Variants in ZNF562 observed in about 807,000 individuals in gnomAD.
ZNF562 encodes zinc finger protein 562.
In ZNF562, 13 loss-of-function variants were observed where a neutral mutation model predicts 17.5. The observed-to-expected ratio is 0.74, with a 90% confidence interval of 0.48 to 1.18. ZNF562 has a LOEUF of 1.18. ZNF562 is among the 50% of genes most tolerant of loss of function. The pLI, the probability that ZNF562 is intolerant of heterozygous loss-of-function variation, is 0.00. For synonymous variants in ZNF562, 163 were observed against 165.4 expected (o/e 0.99, Z 0.11); for missense variants, 481 against 498.5 (o/e 0.96, Z 0.33).
intron 1 of ZNF562, among the ~76,000 whole-genome samples, chr19:9,662,877 C>T (rs2043807748): frequency 6.6e-6 from 1 of 151,638 alleles, no homozygotes; most frequent in Admixed American, 6.6e-5. Context: ...AAACCTTAGC[C>T]ACTCATGGAT....
intron 5 of ZNF562, among the ~76,000 whole-genome samples, chr19:9,655,717 C>CTTTTTTTTTTTTTTTTTTTTTTTTT (rs58199071): frequency 4.1e-5 from 2 of 48,678 alleles, no homozygotes; most frequent in African/African-American, 8.1e-5. Context: ...TCTTTTCTTT[C>CTTTTTTTTTTTTTTTTTTTTTTTTT]TTTTTTTTTT....
rs371202180 is a variant in ZNF562, at chr19:9,652,441, A to G, written c.*508T>C. 6.6e-6 allele frequency: 1 copy of G among 152,340 alleles called. No homozygotes were observed. Among genetic ancestry groups the G allele is most frequent in the Admixed American group, 6.6e-5 (1 of 15,266 alleles). 9.4% of individuals were successfully genotyped at this position (152,340 alleles called of 1,614,324 possible). A position where few individuals can be genotyped will look rare whatever the true frequency, so the allele number is the denominator to read the frequency against. Reference sequence around the variant, plus strand: ...GTAAATTTTGACATGAATGTGCCACACTGGCAGCCACTAACCAACAGGGGC... The same window carrying G: ...GTAAATTTTGACATGAATGTGCCACGCTGGCAGCCACTAACCAACAGGGGC... On this transcript the variant is annotated 3_prime_UTR_variant, in exon 6 of 6. Transcript: ENST00000453372.
chr19:9,658,894 G>A (rs1036621892), intron 3 of ZNF562, among the ~76,000 whole-genome samples: 1 of 152,034 alleles, frequency 6.6e-6, no homozygotes, highest in Non-Finnish European at 1.5e-5. Flanking sequence ...CTGGGCTGAA[G>A]TGCTCCTCCC....
At position 9,653,171 on chromosome 19, in the gene ZNF562, G is replaced by A. The variant is rs1490511123; in HGVS notation, c.1059C>T (p.Phe353=). The part of the protein sequence containing the change: ...PYECKECGQA[F]TQYTGLAIHI... ...GTATAGCAAGGCCCGTGTACTGAGTGAAGGCTTGGCCACATTCCTTACATT... is the reference window on the plus strand; with the variant it reads ...GTATAGCAAGGCCCGTGTACTGAGTAAAGGCTTGGCCACATTCCTTACATT... The change falls in exon 6 of 6, where the codon TTC becomes TTT. Residue 353 remains phenylalanine (F), a synonymous_variant. Coordinates refer to ENST00000453372, the MANE Select transcript of ZNF562 (RefSeq NM_001130031.2). 6.2e-7 allele frequency: 1 copy of A among 1,613,750 alleles called. No homozygotes were observed. Among genetic ancestry groups the A allele is most frequent in the African/African-American group, 1.3e-5 (1 of 74,904 alleles).
intron 1 of ZNF562, among the ~76,000 whole-genome samples, chr19:9,665,445 C>T (rs536905859): frequency 6.6e-6 from 1 of 152,184 alleles, no homozygotes; most frequent in South Asian, 2.1e-4. Flanking sequence ...AAGATCAGTC[C>T]CTCCCTGTCT....
chr19:9,659,567 C>A lies in ZNF562; in HGVS notation c.26-100G>T, dbSNP rs116899200. On this transcript the variant is annotated intron_variant, in intron 2 of 5. Coordinates refer to ENST00000453372, the MANE Select transcript of ZNF562 (RefSeq NM_001130031.2). Reference sequence around the variant, plus strand: ...CTTGAAATTCCCATATGCTCCTGCACACTCGAAAAAACTACACACACACAA... The same window carrying A: ...CTTGAAATTCCCATATGCTCCTGCAAACTCGAAAAAACTACACACACACAA... The A allele has an allele frequency of 0.01, 14,215 of 1,419,652 alleles. 81 individuals carry two copies. The highest frequency in any genetic ancestry group is 0.011 in the Non-Finnish European group (11,760 of 1,066,668). 87.9% of individuals were successfully genotyped at this position (1,419,652 alleles called of 1,614,324 possible). A position where few individuals can be genotyped will look rare whatever the true frequency, so the allele number is the denominator to read the frequency against.
intron 1 of ZNF562, among the ~76,000 whole-genome samples, chr19:9,668,785 G>A (rs1030032411): frequency 1.3e-5 from 2 of 151,584 alleles, no homozygotes; most frequent in African/African-American, 4.9e-5. Flanking sequence ...TAGATCAATG[G>A]AAGAGAACAA....
intron 1 of ZNF562, among the ~76,000 whole-genome samples, chr19:9,670,594 A>G (rs954000338): frequency 6.6e-6 from 1 of 152,194 alleles, no homozygotes; most frequent in African/African-American, 2.4e-5. Context: ...CAAATACCCC[A>G]TATTCTCACA....
intron 1 of ZNF562, among the ~76,000 whole-genome samples, chr19:9,667,735 C>G (rs1346531499): frequency 6.6e-6 from 1 of 151,922 alleles, no homozygotes; most frequent in Non-Finnish European, 1.5e-5. Flanking sequence ...GAACCACAGG[C>G]ATGTGTGACA....
At chr19:9,659,961 A>C (rs1242895608) in intron 2 of ZNF562, among the ~76,000 whole-genome samples, 8 of 133,702 alleles carry the variant, frequency 6.0e-5, no homozygotes, top group Non-Finnish European at 9.4e-5. Flanking sequence ...AAAAAAAAAA[A>C]AAAAAAAAAA....
chr19:9,668,427 C>A (rs199613471), intron 1 of ZNF562, among the ~76,000 whole-genome samples: 1 of 151,684 alleles, frequency 6.6e-6, no homozygotes, highest in African/African-American at 2.4e-5. Context: ...AGGAGCTATA[C>A]AAGGAAAACT....
chr19:9,672,991 TCAACTTTCCTGTTCTC>T (rs144125339), intron 1 of ZNF562, among the ~76,000 whole-genome samples: 3,466 of 152,160 alleles, frequency 0.023, 77 homozygotes, highest in Admixed American at 0.031. Context: ...GTTCTCAAAC[TCAACTTTCCTGTTCTC>T]CATGCCTCCT....
chr19:9,661,375 G>C (rs1370636991), intron 1 of ZNF562, among the ~76,000 whole-genome samples: 1 of 152,106 alleles, frequency 6.6e-6, no homozygotes, highest in Non-Finnish European at 1.5e-5. Context: ...CTGAAATGCA[G>C]TGGCGTGATC....
At chr19:9,674,352 A>C (rs533990595) in intron 1 of ZNF562, among the ~76,000 whole-genome samples, 153 of 152,306 alleles carry the variant, frequency 1.0e-3, no homozygotes, top group African/African-American at 3.4e-3. Context: ...GGAGAAGTTT[A>C]AAAGTAGAAG....
intron 1 of ZNF562, among the ~76,000 whole-genome samples, chr19:9,664,886 G>A (rs1186847474): frequency 6.6e-6 from 1 of 151,832 alleles, no homozygotes; most frequent in Non-Finnish European, 1.5e-5. Flanking sequence ...AAATACCACC[G>A]TTTATATAAC....
At position 9,653,087 on chromosome 19, in the gene ZNF562, G is replaced by A. The variant is rs754959763; in HGVS notation, c.1143C>T (p.Phe381=). ...PYQCKECGKA[F]NRSSTLTQHR... is the part of the protein sequence containing the mutation. Reference sequence around the variant, plus strand: ...GTTGAGTAAGCGTTGAAGATCTATTGAAGGCTTTCCCACATTCCTTACACT... The same window carrying A: ...GTTGAGTAAGCGTTGAAGATCTATTAAAGGCTTTCCCACATTCCTTACACT... The change falls in exon 6 of 6, where the codon TTC becomes TTT. Residue 381 remains phenylalanine (F), a synonymous_variant. Coordinates refer to ENST00000453372, the MANE Select transcript of ZNF562 (RefSeq NM_001130031.2). 4.3e-6 allele frequency: 7 copies of A among 1,609,750 alleles called. No individual in the cohort carries two copies. The South Asian group carries it at 7.7e-5, about 18-fold the overall frequency.
rs1204077250 is a variant in ZNF562 at position 9,649,904 on chromosome 19, A to T, written c.*3045T>A. On this transcript the variant is annotated 3_prime_UTR_variant, in exon 6 of 6. Coordinates refer to ENST00000453372, the MANE Select transcript of ZNF562 (RefSeq NM_001130031.2). ...TGCTGGTTTTTGCGGCTTGTGGGGCATCACGGAACCTACCGACATGTGATG... is the reference window on the plus strand; with the variant it reads ...TGCTGGTTTTTGCGGCTTGTGGGGCTTCACGGAACCTACCGACATGTGATG... The T allele has an allele frequency of 6.6e-6, 1 of 152,108 alleles. No homozygotes were observed. The highest frequency in any genetic ancestry group is 1.9e-4 in the East Asian group (1 of 5,176). The allele number at this position is 152,108 out of a possible 1,614,324, so 9.4% of individuals were successfully genotyped here. A position where few individuals can be genotyped will look rare whatever the true frequency, so the allele number is the denominator to read the frequency against.
chr19:9,655,237 C>T (rs776289506), intron 5 of ZNF562, among the ~76,000 whole-genome samples: 6 of 152,164 alleles, frequency 3.9e-5, no homozygotes, highest in Non-Finnish European at 8.8e-5. Context: ...AATTCTCCTG[C>T]CTCAGCTTCC....
At chr19:9,663,091 T>C (rs1259490791) in intron 1 of ZNF562, among the ~76,000 whole-genome samples, 1 of 151,342 alleles carries the variant, frequency 6.6e-6, no homozygotes, top group Non-Finnish European at 1.5e-5. Context: ...AATGGCCTTA[T>C]CTCTATGCCA....
Sources: allele counts gnomAD v4.1 joint callset (sites outside exome capture counted in the v4.1 genomes callset), GRCh38; gene constraint gnomAD v4.1.1; transcripts MANE v1.5; gene names NCBI Gene and HGNC (gene_info 2026-07-23, HGNC 2026-07-21).